Variants in PRKG1 observed in about 807,000 individuals in gnomAD.
The protein encoded by PRKG1 is protein kinase cGMP-dependent 1, also known as cGMP-dependent protein kinase 1.
In PRKG1, 35 loss-of-function variants were observed where a neutral mutation model predicts 88.1. The ratio of observed to expected loss-of-function variants is 0.40; its 90% confidence interval spans 0.30 to 0.53. PRKG1 has a LOEUF of 0.53. Ranked by LOEUF, PRKG1 falls within the 20% of genes least tolerant of loss-of-function variation. The pLI is 0.59. For missense variants in PRKG1, 540 were observed against 839.8 expected, an observed-to-expected ratio of 0.64 and a Z score of 4.41; for synonymous variants, 303 against 292.5, an observed-to-expected ratio of 1.04 and a Z score of -0.37.
At chr10:51,585,817 A>G (rs1019615715) in intron 3 of PRKG1, among the ~76,000 whole-genome samples, 1 of 152,220 alleles carries the variant, frequency 6.6e-6, no homozygotes, top group Non-Finnish European at 1.5e-5. Flanking sequence ...TGTGCTTTGC[A>G]GCAACGTGAA....
chr10:51,363,080 A>T (rs1049364903), intron 2 of PRKG1, among the ~76,000 whole-genome samples: 2 of 151,930 alleles, frequency 1.3e-5, no homozygotes, highest in South Asian at 2.1e-4. Flanking sequence ...GATTCAAAAG[A>T]TGCTACATGA....
At chr10:51,573,451 A>G (rs752431270) in intron 3 of PRKG1, among the ~76,000 whole-genome samples, 1 of 151,950 alleles carries the variant, frequency 6.6e-6, no homozygotes, top group Non-Finnish European at 1.5e-5. Flanking sequence ...TAGATTCATT[A>G]TAATTCTTCC....
chr10:52,289,083 T>C, intron 16 of PRKG1, 90 bp downstream of exon 16: 1 of 1,258,616 alleles, frequency 7.9e-7, no homozygotes, highest in Non-Finnish European at 1.1e-6. Flanking sequence ...CTAGTATAAT[T>C]AGCCTATAGG....
chr10:51,189,949 T>A (rs1837589634), intron 2 of PRKG1, among the ~76,000 whole-genome samples: 1 of 151,906 alleles, frequency 6.6e-6, no homozygotes, highest in South Asian at 2.1e-4. Context: ...TACCTAAGGC[T>A]ACAGAAATAA....
At chr10:52,166,819 G>GTGTATATATGTA (rs1838470414) in intron 9 of PRKG1, among the ~76,000 whole-genome samples, 1 of 55,314 alleles carries the variant, frequency 1.8e-5, no homozygotes, top group Admixed American at 2.7e-4. Context: ...GTATATATAT[G>GTGTATATATGTA]TATATATATG....
At chr10:51,255,606 C>A (rs1033164734) in intron 2 of PRKG1, among the ~76,000 whole-genome samples, 1 of 152,108 alleles carries the variant, frequency 6.6e-6, no homozygotes, top group Non-Finnish European at 1.5e-5. Flanking sequence ...AAGATGGATG[C>A]AGTAGCCATG....
intron 5 of PRKG1, among the ~76,000 whole-genome samples, chr10:52,050,547 G>A (rs143848092): frequency 3.3e-5 from 5 of 152,192 alleles, no homozygotes; most frequent in African/African-American, 7.2e-5. Flanking sequence ...GCAATTAAAC[G>A]TTTCAGAATA....
At chr10:51,159,270 A>T (rs553029896) in intron 2 of PRKG1, among the ~76,000 whole-genome samples, 2 of 152,132 alleles carry the variant, frequency 1.3e-5, no homozygotes, top group Non-Finnish European at 2.9e-5. Context: ...ACTACCTGAG[A>T]GTGTGAAGGA....
chr10:51,042,240 C>G (rs962506493), intron 1 of PRKG1, among the ~76,000 whole-genome samples: 1 of 152,174 alleles, frequency 6.6e-6, no homozygotes, highest in Admixed American at 6.5e-5. Flanking sequence ...GGTAACCTCT[C>G]TCTCGTAAGA....
chr10:52,171,391 G>A (rs1319612335), intron 9 of PRKG1, among the ~76,000 whole-genome samples: 1 of 152,114 alleles, frequency 6.6e-6, no homozygotes, highest in Non-Finnish European at 1.5e-5. Context: ...ACCAGAATTA[G>A]AACTTGCTGA....
intron 1 of PRKG1, among the ~76,000 whole-genome samples, chr10:51,004,317 T>G (rs1352444996): frequency 5.3e-5 from 8 of 151,994 alleles, no homozygotes; most frequent in Non-Finnish European, 1.0e-4. Flanking sequence ...TACAAAGTTA[T>G]CCGGACGTGG....
chr10:51,308,727 A>G lies in PRKG1; in HGVS notation c.478+155397A>G, dbSNP rs534653476. 3.9e-5 allele frequency among the ~76,000 whole-genome samples: 6 copies of G among 152,306 alleles called. No homozygotes were observed. The South Asian group carries it at 1.2e-3, about 32-fold the overall frequency. On this transcript the variant is annotated intron_variant, in intron 2 of 17. Transcript: ENST00000373980. The stretch of plus-strand genomic sequence containing the variant: ...GTGCTAGAAAAATAATACTAGAATA[A>G]CACAGAGCCAATAACTGCAAGAAGC...
chr10:51,311,699 T>C (rs965450854), intron 2 of PRKG1, among the ~76,000 whole-genome samples: 7 of 152,212 alleles, frequency 4.6e-5, no homozygotes, highest in Non-Finnish European at 7.3e-5. Flanking sequence ...CTTTATCTTT[T>C]TATTTCACCA....
intron 4 of PRKG1, among the ~76,000 whole-genome samples, chr10:51,821,937 T>C (rs1839757409): frequency 6.6e-6 from 1 of 152,080 alleles, no homozygotes; most frequent in Non-Finnish European, 1.5e-5. Flanking sequence ...TATGTTCAAG[T>C]AATCCCATTT....
chr10:51,884,401 C>A (rs541238286), intron 4 of PRKG1, among the ~76,000 whole-genome samples: 2 of 123,894 alleles, frequency 1.6e-5, no homozygotes, highest in African/African-American at 3.0e-5. Flanking sequence ...GTCGAGATCG[C>A]GCCACTGCAC....
intron 3 of PRKG1, among the ~76,000 whole-genome samples, chr10:51,606,342 G>A (rs1838766691): frequency 6.6e-6 from 1 of 152,162 alleles, no homozygotes; most frequent in Non-Finnish European, 1.5e-5. Context: ...AACTCTTTCT[G>A]AGGCCTGAAG....
At chr10:52,270,323 A>G (rs544027335) in intron 10 of PRKG1, among the ~76,000 whole-genome samples, 1 of 152,110 alleles carries the variant, frequency 6.6e-6, no homozygotes, top group Non-Finnish European at 1.5e-5. Context: ...GATTCCTCAC[A>G]GATCTAGAAC....
At chr10:51,816,183 A>G (rs1163707617) in intron 4 of PRKG1, among the ~76,000 whole-genome samples, 1 of 152,190 alleles carries the variant, frequency 6.6e-6, no homozygotes, top group Non-Finnish European at 1.5e-5. Flanking sequence ...TCAGTAATGA[A>G]TCTCACACAG....
chr10:51,552,161 G>T (rs1270070819), intron 3 of PRKG1, among the ~76,000 whole-genome samples: 2 of 151,568 alleles, frequency 1.3e-5, no homozygotes, highest in Non-Finnish European at 3.0e-5. Context: ...TGCTAAACAT[G>T]TATTATATAA....
Sources: gnomAD v4.1 joint callset for allele counts (sites outside exome capture counted in the v4.1 genomes callset) on GRCh38, gnomAD v4.1.1 for gene constraint, MANE v1.5 for transcripts, NCBI Gene and HGNC (gene_info 2026-07-23, HGNC 2026-07-21) for gene names.